The following TFCP2L1 variants were observed in gnomAD, a reference collection of about 807,000 sequenced individuals.
The protein encoded by TFCP2L1 is transcription factor CP2 like 1.
In TFCP2L1, 12 loss-of-function variants were observed where a neutral mutation model predicts 72.2. The observed-to-expected ratio is 0.17, with a 90% CI of 0.11 to 0.27. The LOEUF (loss-of-function observed/expected upper bound fraction) is 0.27, where lower values mean the gene tolerates loss of function less well. Ranked by LOEUF, TFCP2L1 falls within the 10% of genes least tolerant of loss-of-function variation. The pLI is 1.00. For synonymous variants in TFCP2L1, 260 were observed against 251.0 expected, an observed-to-expected ratio of 1.04 and a Z score of -0.34; for missense variants, 488 against 624.6, an observed-to-expected ratio of 0.78 and a Z score of 2.33.
At chr2:121,259,798 G>T (rs1686798487) in intron 2 of TFCP2L1, among the ~76,000 whole-genome samples, 1 of 152,066 alleles carries the variant, frequency 6.6e-6, no homozygotes, top group Admixed American at 6.5e-5. Context: ...GGGCAGAGAA[G>T]GACTTTTCCC....
At chr2:121,268,803 C>T (rs962592480) in intron 2 of TFCP2L1, among the ~76,000 whole-genome samples, 1 of 149,204 alleles carries the variant, frequency 6.7e-6, no homozygotes, top group Admixed American at 6.8e-5. Context: ...AAGGTGTTTA[C>T]TTTAATAACA....
At chr2:121,265,611 G>A (rs1201861440) in intron 2 of TFCP2L1, among the ~76,000 whole-genome samples, 4 of 151,854 alleles carry the variant, frequency 2.6e-5, no homozygotes, top group African/African-American at 9.7e-5. Context: ...AGCTTCCCAA[G>A]TATCTGGGAT....
chr2:121,256,213 T>A (rs1686717201), intron 2 of TFCP2L1, among the ~76,000 whole-genome samples: 1 of 152,226 alleles, frequency 6.6e-6, no homozygotes, highest in South Asian at 2.1e-4. Flanking sequence ...AAATTTGATA[T>A]TCGTTTCCTT....
chr2:121,267,545 G>C (rs1686956019), intron 2 of TFCP2L1, among the ~76,000 whole-genome samples: 1 of 151,706 alleles, frequency 6.6e-6, no homozygotes, highest in African/African-American at 2.4e-5. Flanking sequence ...TCAGGCTGGA[G>C]TGCAGTGGCG....
chr2:121,240,327 T>G, intron 7 of TFCP2L1: 1 of 985,188 alleles, frequency 1.0e-6, no homozygotes, highest in Non-Finnish European at 1.2e-6. Context: ...GAAGCAAGGG[T>G]TTACAGGTTT....
intron 6 of TFCP2L1, among the ~76,000 whole-genome samples, chr2:121,243,218 A>C (rs1686413929): frequency 6.6e-6 from 1 of 152,244 alleles, no homozygotes; most frequent in South Asian, 2.1e-4. Flanking sequence ...AGTCAGATGT[A>C]AAGACTCCGA....
At chr2:121,266,346 T>TA (rs1166040758) in intron 2 of TFCP2L1, among the ~76,000 whole-genome samples, 1 of 152,054 alleles carries the variant, frequency 6.6e-6, no homozygotes, top group Admixed American at 6.6e-5. Context: ...AAGTAACACT[T>TA]ACTGAGACCC....
At chr2:121,234,457 G>A (rs1179340129) in intron 11 of TFCP2L1, among the ~76,000 whole-genome samples, 1 of 152,228 alleles carries the variant, frequency 6.6e-6, no homozygotes, top group East Asian at 1.9e-4. Context: ...GTGGCTTGCT[G>A]TGTATCAGGT....
Position 121,220,975 on chromosome 2 carries a change from T to C in TFCP2L1, c.*3366A>G, listed in dbSNP as rs1029206896. ...CACACTTAAGGTAACAGACTTTTAT[T>C]ACATCTTCTTTTGGAACTTAGAAGA... On this transcript the variant is annotated 3_prime_UTR_variant, in exon 15 of 15. Transcript: ENST00000263707. 6.6e-6 allele frequency: 1 copy of C among 152,218 alleles called. No homozygotes were observed. Among genetic ancestry groups the C allele is most frequent in the Non-Finnish European group, 1.5e-5 (1 of 68,038 alleles). 9.4% of individuals were successfully genotyped at this position (152,218 alleles called of 1,614,324 possible).
At chr2:121,254,265 T>G (rs1198434873) in intron 2 of TFCP2L1, among the ~76,000 whole-genome samples, 1 of 152,168 alleles carries the variant, frequency 6.6e-6, no homozygotes, top group Non-Finnish European at 1.5e-5. Context: ...ATTCTTGCCC[T>G]CAAAGGGTTG....
At chr2:121,238,119 C>T (rs953075364) in intron 8 of TFCP2L1, among the ~76,000 whole-genome samples, 19 of 152,152 alleles carry the variant, frequency 1.2e-4, no homozygotes, top group African/African-American at 3.4e-4. Context: ...CCTGAGTCAC[C>T]GGCAACACAT....
chr2:121,269,133 G>A (rs914426227), intron 2 of TFCP2L1, among the ~76,000 whole-genome samples: 2 of 151,912 alleles, frequency 1.3e-5, no homozygotes, highest in African/African-American at 4.8e-5. Flanking sequence ...CCAATAAACC[G>A]GATAATAAAA....
chr2:121,250,709 T>G (rs975825003), intron 2 of TFCP2L1, among the ~76,000 whole-genome samples: 1 of 150,712 alleles, frequency 6.6e-6, no homozygotes. Context: ...TGGGTTCAAG[T>G]GATTCTCCTG....
Position 121,285,179 on chromosome 2 carries a change from G to A in TFCP2L1, c.-70C>T. On this transcript the variant is annotated 5_prime_UTR_variant, in exon 1 of 15. Transcript: ENST00000263707. Reference sequence around the variant, plus strand: ...AGACGCGGGGCGCGCCGAGGACCCAGCGGCGGCTTCGCGCTCCGAACCCGC... The same window carrying A: ...AGACGCGGGGCGCGCCGAGGACCCAACGGCGGCTTCGCGCTCCGAACCCGC... 1 of 1,313,210 alleles carries A rather than the reference G, an allele frequency of 7.6e-7. No homozygotes were observed. Among genetic ancestry groups the A allele is most frequent in the Non-Finnish European group, 9.8e-7 (1 of 1,024,110 alleles). 81.3% of individuals were successfully genotyped at this position (1,313,210 alleles called of 1,614,324 possible).
At chr2:121,280,483 C>T (rs1213658596) in intron 2 of TFCP2L1, among the ~76,000 whole-genome samples, 1 of 152,154 alleles carries the variant, frequency 6.6e-6, no homozygotes, top group Non-Finnish European at 1.5e-5. Flanking sequence ...TGTGTCCAGG[C>T]ACAGTGGCTT....
At chr2:121,267,074 C>T (rs746461329) in intron 2 of TFCP2L1, among the ~76,000 whole-genome samples, 53 of 152,022 alleles carry the variant, frequency 3.5e-4, no homozygotes, top group Non-Finnish European at 4.7e-4. Context: ...CCTGCCACCA[C>T]GCCCAGCTAA....
At chr2:121,240,527 C>A (rs1686347778) in intron 7 of TFCP2L1, 1 of 985,258 alleles carries the variant, frequency 1.0e-6, no homozygotes, top group Admixed American at 6.2e-5. Context: ...TCCTACAGCC[C>A]AAGGAGGAAA....
At chr2:121,282,607 G>GA (rs1687287384) in intron 1 of TFCP2L1, among the ~76,000 whole-genome samples, 2 of 152,058 alleles carry the variant, frequency 1.3e-5, no homozygotes, top group Non-Finnish European at 2.9e-5. Context: ...TTGAGAACAT[G>GA]AATGACCTAC....
intron 2 of TFCP2L1, among the ~76,000 whole-genome samples, chr2:121,277,693 A>G (rs1357055939): frequency 1.3e-5 from 2 of 152,252 alleles, no homozygotes; most frequent in Non-Finnish European, 2.9e-5. Flanking sequence ...ACAATGTAAT[A>G]CTATGCAGCC....
Sources: gnomAD v4.1 joint callset for allele counts (sites outside exome capture counted in the v4.1 genomes callset) on GRCh38, gnomAD v4.1.1 for gene constraint, MANE v1.5 for transcripts, NCBI Gene and HGNC (gene_info 2026-07-23, HGNC 2026-07-21) for gene names.